Variants in STC1 observed in about 807,000 individuals in gnomAD.
STC1 encodes stanniocalcin 1.
Under a neutral mutation model 22.6 loss-of-function variants are expected in STC1, and 7 were observed. That is an observed-to-expected ratio of 0.31 (90% CI 0.18 to 0.58). The LOEUF is 0.58. STC1 is among the 20% of genes least tolerant of loss of function. The pLI is 0.89. For synonymous variants in STC1, 113 were observed against 120.7 expected, an observed-to-expected ratio of 0.94 and a Z score of 0.42; for missense variants, 224 against 311.0, an observed-to-expected ratio of 0.72 and a Z score of 2.10.
In STC1 at chr8:23,854,569, G is replaced by A; in HGVS notation, c.-46C>T. On this transcript the variant is annotated 5_prime_UTR_variant, in exon 1 of 4. Coordinates refer to ENST00000290271, the MANE Select transcript of STC1 (RefSeq NM_003155.3). ...AGTTGTTGGGTTTTTTTTTTTTCCT[G>A]CCCCCCTTTCCTCTTTCCCTCTCCT... 1 of 1,427,882 alleles carries A rather than the reference G, an allele frequency of 7.0e-7. No homozygotes were observed. Among genetic ancestry groups the A allele is most frequent in the East Asian group, 2.3e-5 (1 of 43,856 alleles). The allele number at this position is 1,427,882 out of a possible 1,614,324, so 88.5% of individuals were successfully genotyped here.
At chr8:23,846,915 C>T (rs2117738833) in intron 3 of STC1, among the ~76,000 whole-genome samples, 1 of 152,074 alleles carries the variant, frequency 6.6e-6, no homozygotes, top group East Asian at 1.9e-4. Flanking sequence ...ATCTACACAC[C>T]CATATAGATC....
rs1414828222 is a variant in STC1, at chr8:23,844,573, G to C, written c.*197C>G. ...GAGGCAGAATGGTCACATGGATTTT[G>C]TTGGTGGGAATGCTGCCATTGCAGA... On this transcript the variant is annotated 3_prime_UTR_variant, in exon 4 of 4. Transcript: ENST00000290271. 9 of 641,540 alleles carry C rather than the reference G, an allele frequency of 1.4e-5. No homozygotes were observed. The highest frequency in any genetic ancestry group is 2.4e-5 in the Non-Finnish European group (9 of 381,408). 39.7% of individuals were successfully genotyped at this position (641,540 alleles called of 1,614,324 possible).
chr8:23,846,727 GA>G (rs1165305129), intron 3 of STC1, among the ~76,000 whole-genome samples: 1 of 152,206 alleles, frequency 6.6e-6, no homozygotes, highest in Non-Finnish European at 1.5e-5. Context: ...TCCCTCCAGG[GA>G]GAATTATATC....
At chr8:23,851,298 A>G in intron 3 of STC1, 22 bp downstream of exon 3, 1 of 1,613,660 alleles carries the variant, frequency 6.2e-7, no homozygotes, top group Non-Finnish European at 8.5e-7. Context: ...CCTGATTGTG[A>G]AAAAGTAGAC....
At position 23,852,263 on chromosome 8, in the gene STC1, G is replaced by A. The variant is rs374174938; in HGVS notation, c.240C>T (p.Ser80=). Residue 80 remains serine (S), a synonymous_variant, in exon 2 of 4, where the codon AGC becomes AGT. Transcript: ENST00000290271. ...MYDICKSFLY[S]AAKFDTQGKA... ...TTACCTGAGTGTCAAATTTAGCAGC[G>A]CTGTACAAGAAGGATTTACAGATGT... 4.1e-5 allele frequency: 66 copies of A among 1,614,040 alleles called. No individual in the cohort carries two copies. The East Asian group carries it at 9.4e-4, about 23-fold the overall frequency.
chr8:23,847,046 A>C lies in STC1; in HGVS notation c.474-2006T>G, dbSNP rs563495884. On this transcript the variant is annotated intron_variant, in intron 3 of 3. Coordinates refer to ENST00000290271, the MANE Select transcript of STC1 (RefSeq NM_003155.3). The stretch of plus-strand genomic sequence containing the variant: ...CTGATCTCCCATCCCTCCAATAAGG[A>C]CTTTATAACTTAGAAGTTAACCCTT... 5.3e-5 allele frequency among the ~76,000 whole-genome samples: 8 copies of C among 152,268 alleles called. No homozygotes were observed. The East Asian group carries it at 1.5e-3, about 29-fold the overall frequency.
Position 23,845,936 on chromosome 8 carries a change from C to T in STC1, c.474-896G>A, listed in dbSNP as rs367964295. Among the ~76,000 whole-genome samples the T allele has an allele frequency of 5.3e-5, 8 of 152,264 alleles. No individual in the cohort carries two copies. In the East Asian group the frequency reaches 7.7e-4, roughly 15 times the overall value. On this transcript the variant is annotated intron_variant, in intron 3 of 3. Coordinates refer to ENST00000290271, the MANE Select transcript of STC1 (RefSeq NM_003155.3). ...TGATGGTTTTGTGATGGCTTTCTTTCGCTGACTAGACTGTAAGCTTACTGA... is the reference window on the plus strand; with the variant it reads ...TGATGGTTTTGTGATGGCTTTCTTTTGCTGACTAGACTGTAAGCTTACTGA...
intron 3 of STC1, among the ~76,000 whole-genome samples, chr8:23,850,730 G>A (rs1330148512): frequency 2.0e-5 from 3 of 152,066 alleles, no homozygotes; most frequent in Non-Finnish European, 1.5e-5. Flanking sequence ...GATAACATAA[G>A]GCCTGGAAGG....
At chr8:23,852,459 T>G (rs1585308168) in intron 1 of STC1, 75 bp from the exon 2 acceptor site, 1 of 1,486,438 alleles carries the variant, frequency 6.7e-7, no homozygotes, top group South Asian at 1.3e-5. Flanking sequence ...GGTGCAGAGG[T>G]GAATTTCAAG....
Position 23,852,400 on chromosome 8 carries a change from C to A in STC1, c.119-16G>T. On this transcript the variant is annotated splice_polypyrimidine_tract_variant and intron_variant, in intron 1 of 3. Transcript: ENST00000290271. ...ACCACTTCAGCTGAAAGAGACAAAT[C>A]CATCCATTCTGGGTCAAACAGTGAG... The A allele has an allele frequency of 2.5e-6, 4 of 1,580,448 alleles. No homozygotes were observed. The highest frequency in any genetic ancestry group is 1.2e-5 in the South Asian group (1 of 83,800).
chr8:23,854,233 T>C, intron 1 of STC1, 173 bp downstream of exon 1: 1 of 975,174 alleles, frequency 1.0e-6, no homozygotes, highest in South Asian at 1.7e-5. Context: ...TGCAATTTAT[T>C]AAACAAAGGA....
In STC1 at chr8:23,844,722, C is replaced by G; in HGVS notation, c.*48G>C. The G allele has an allele frequency of 1.3e-6, 2 of 1,598,170 alleles. No individual in the cohort carries two copies. Among genetic ancestry groups the G allele is most frequent in the African/African-American group, 1.3e-5 (1 of 74,660 alleles). On this transcript the variant is annotated 3_prime_UTR_variant, in exon 4 of 4. Transcript: ENST00000290271. ...ACACTCAAAACTGGTGTGTCAACAC[C>G]CCTAAAATGATACTAGTTTGGTGAG...
Position 23,844,707 on chromosome 8 carries a change from C to T in STC1, c.*63G>A, listed in dbSNP as rs2936. 247,650 of 1,569,650 alleles carry T rather than the reference C, an allele frequency of 0.16. 20,256 individuals are homozygous for T. The highest frequency in any genetic ancestry group is 0.24 in the Admixed American group (13,760 of 57,560). On this transcript the variant is annotated 3_prime_UTR_variant, in exon 4 of 4. Coordinates refer to ENST00000290271, the MANE Select transcript of STC1 (RefSeq NM_003155.3). ...CAAACCAGGCACAGTACACTCAAAA[C>T]TGGTGTGTCAACACCCCTAAAATGA...
intron 3 of STC1, among the ~76,000 whole-genome samples, chr8:23,848,519 G>T (rs926131293): frequency 8.9e-6 from 1 of 112,572 alleles, no homozygotes; most frequent in South Asian, 3.1e-4. Flanking sequence ...GCAACAGAGC[G>T]ATACTCTGTC....
rs147467599 is a variant in STC1, at chr8:23,851,707, C to T, written c.262-176G>A. 7.3e-5 allele frequency among the ~76,000 whole-genome samples: 11 copies of T among 150,260 alleles called. No homozygotes were observed. In the East Asian group the frequency reaches 2.0e-3, roughly 27 times the overall value. On this transcript the variant is annotated intron_variant, in intron 2 of 3. Transcript: ENST00000290271. Reference sequence around the variant, plus strand: ...AAGGATTGAAAAAAAAAAAAGCCCTCTCCCCATCTCCCTGGATTCCCTTGA... The same window carrying T: ...AAGGATTGAAAAAAAAAAAAGCCCTTTCCCCATCTCCCTGGATTCCCTTGA...
chr8:23,844,891 C>T lies in STC1; in HGVS notation c.623G>A (p.Arg208Gln), dbSNP rs752140434. 6 of 1,614,030 alleles carry T rather than the reference C, an allele frequency of 3.7e-6. No homozygotes were observed. The highest frequency in any genetic ancestry group is 5.1e-6 in the Non-Finnish European group (6 of 1,180,020). ...GGTGCGTCTCCTGTTGAAGTCAGCTCGTGGGTGTGTTTGGGCACAGTGGTC... is the reference window on the plus strand; with the variant it reads ...GGTGCGTCTCCTGTTGAAGTCAGCTTGTGGGTGTGTTTGGGCACAGTGGTC... ...QTDHCAQTHP[R>Q]ADFNRRRTNE... is the part of the protein sequence containing the mutation. The change falls in exon 4 of 4, where the codon CGA becomes CAA. Residue 208 changes from arginine to glutamine, a missense_variant. Arg to Gln is a conservative substitution (Grantham distance 43). Coordinates refer to ENST00000290271, the MANE Select transcript of STC1 (RefSeq NM_003155.3).
intron 3 of STC1, among the ~76,000 whole-genome samples, chr8:23,845,708 T>C (rs564062821): frequency 6.6e-6 from 1 of 152,174 alleles, no homozygotes; most frequent in African/African-American, 2.4e-5. Flanking sequence ...ACTGACTCCA[T>C]CTTCAGCCCT....
intron 1 of STC1, 100 bp downstream of exon 1, chr8:23,854,306 T>G: frequency 1.7e-6 from 2 of 1,152,646 alleles, no homozygotes; most frequent in Non-Finnish European, 1.3e-6. Flanking sequence ...ATGAAGCACA[T>G]TTATTATCAA....
intron 3 of STC1, 54 bp from the exon 4 acceptor site, chr8:23,845,094 A>C (rs1314000049): frequency 5.1e-6 from 8 of 1,584,050 alleles, no homozygotes; most frequent in Non-Finnish European, 6.9e-6. Flanking sequence ...GCCCGGCGAG[A>C]CCCAGGCTTT....
Sources: allele counts gnomAD v4.1 joint callset (sites outside exome capture counted in the v4.1 genomes callset), GRCh38; gene constraint gnomAD v4.1.1; transcripts MANE v1.5; gene names NCBI Gene and HGNC (gene_info 2026-07-23, HGNC 2026-07-21).